The following OR5P3 variants were observed in gnomAD, a reference collection of about 807,000 sequenced individuals.
OR5P3 encodes olfactory receptor family 5 subfamily P member 3, also known as olfactory receptor 5P3.
For missense variants in OR5P3, 415 were observed against 375.6 expected (o/e 1.10, Z -0.87); for synonymous variants, 172 against 141.8 (o/e 1.21, Z -1.51).
intron 1 of OR5P3, among the ~76,000 whole-genome samples, chr11:7,829,446 T>C (rs1857783881): frequency 6.6e-6 from 1 of 152,132 alleles, no homozygotes; most frequent in Admixed American, 6.6e-5. Flanking sequence ...ACAAAATAAC[T>C]GCTCAATACA....
At chr11:7,827,690 A>G (rs374038763) in intron 1 of OR5P3, among the ~76,000 whole-genome samples, 3 of 152,298 alleles carry the variant, frequency 2.0e-5, no homozygotes, top group Admixed American at 1.3e-4. Context: ...ACAAGAAATG[A>G]TGGTAGTTAC....
chr11:7,825,415 C>T lies in OR5P3; in HGVS notation c.558G>A (p.Lys186=), dbSNP rs773993926. The T allele has an allele frequency of 4.2e-5, 67 of 1,613,072 alleles. No homozygotes were observed. In the East Asian group the frequency reaches 1.4e-3, roughly 35 times the overall value. The part of the protein sequence containing the change: ...HFFCDYSPLL[K]LACSHDFTFE... The stretch of plus-strand genomic sequence containing the variant: ...AAGTAAAATCATGGGAACAAGCAAG[C>T]TTCAAAAGTGGTGAATAGTCACAGA... Residue 186 remains lysine (K), a synonymous_variant, in exon 2 of 2, where the codon AAG becomes AAA. Coordinates refer to ENST00000641167, the MANE Select transcript of OR5P3 (RefSeq NM_153445.2).
intron 1 of OR5P3, 139 bp from the exon 2 acceptor site, chr11:7,826,132 G>T (rs910435432): frequency 7.1e-6 from 4 of 563,010 alleles, no homozygotes; most frequent in Non-Finnish European, 1.2e-5. Context: ...TTCACACACA[G>T]TATCTTATGT....
chr11:7,827,495 C>T lies in OR5P3; in HGVS notation c.-21-1502G>A, dbSNP rs571479921. Among the ~76,000 whole-genome samples the T allele has an allele frequency of 1.6e-4, 24 of 151,948 alleles. No individual in the cohort carries two copies. In the South Asian group the frequency reaches 3.3e-3, roughly 21 times the overall value. ...CTAAGATTTTCTTTTTTCTGAGCAA[C>T]GAAAGGGACAGATATGGAATGTTAG... On this transcript the variant is annotated intron_variant, in intron 1 of 1. Coordinates refer to ENST00000641167, the MANE Select transcript of OR5P3 (RefSeq NM_153445.2).
chr11:7,827,771 A>T (rs368222257), intron 1 of OR5P3, among the ~76,000 whole-genome samples: 98 of 152,342 alleles, frequency 6.4e-4, no homozygotes, highest in African/African-American at 2.2e-3. Flanking sequence ...TCTAAACTCT[A>T]ACAACGGGAG....
chr11:7,825,466 A>G lies in OR5P3; in HGVS notation c.507T>C (p.Cys169=). 1 of 1,613,342 alleles carries G rather than the reference A, an allele frequency of 6.2e-7. No individual in the cohort carries two copies. Among genetic ancestry groups the G allele is most frequent in the South Asian group, 1.1e-5 (1 of 91,086 alleles). ...AAAAGTGATTGACTTTATTTGGCCC[A>G]CAGAAGGACAGTCTTAATAAGCAGC... ...FIGCLLRLSF[C]GPNKVNHFFC... The change falls in exon 2 of 2, where the codon TGT becomes TGC. Residue 169 remains cysteine, a synonymous_variant. Coordinates refer to ENST00000641167, the MANE Select transcript of OR5P3 (RefSeq NM_153445.2).
In OR5P3 at chr11:7,825,380, A is replaced by G; in HGVS notation, c.593T>C (p.Ile198Thr). The G allele has an allele frequency of 6.2e-7, 1 of 1,613,232 alleles. No individual in the cohort carries two copies. The highest frequency in any genetic ancestry group is 8.5e-7 in the Non-Finnish European group (1 of 1,180,030). ...ACSHDFTFEIIPAISSGSIIV... is the reference protein window; with the variant it reads ...ACSHDFTFEITPAISSGSIIV... ...GATAGATCCAGAAGAGATAGCTGGA[A>G]TTATTTCAAAAGTAAAATCATGGGA... The change falls in exon 2 of 2, where the codon ATT becomes ACT. Residue 198 changes from isoleucine to threonine, a missense_variant. Transcript: ENST00000641167.
rs769793720 is a variant in OR5P3 at position 7,825,695 on chromosome 11, G to A, written c.278C>T (p.Pro93Leu). The A allele has an allele frequency of 6.2e-7, 1 of 1,613,194 alleles. No individual in the cohort carries two copies. Among genetic ancestry groups the A allele is most frequent in the South Asian group, 1.1e-5 (1 of 91,082 alleles). The part of the protein sequence containing the change: ...MSFLRKETSL[P>L]VAGCVAQLCS... ...GAGCTGGGCCACACAACCAGCAACA[G>A]GGAGAGAGGTTTCTTTCCTTAGGAA... The change falls in exon 2 of 2, where the codon CCT becomes CTT. Residue 93 changes from proline (P) to leucine (L), a missense_variant. Transcript: ENST00000641167.
chr11:7,825,785 A>G lies in OR5P3; in HGVS notation c.188T>C (p.Leu63Pro). The G allele has an allele frequency of 6.2e-7, 1 of 1,613,330 alleles. No homozygotes were observed. Residue 63 changes from leucine (L) to proline (P), a missense_variant, in exon 2 of 2, where the codon CTC becomes CCC. Leu to Pro is a moderately conservative substitution (Grantham distance 98). Coordinates refer to ENST00000641167, the MANE Select transcript of OR5P3 (RefSeq NM_153445.2). ...HHLHTPMYIF[L>P]CHLAFVDIGY... The stretch of plus-strand genomic sequence containing the variant: ...AATGTCTACAAAGGCCAAATGGCAG[A>G]GGAAAATGTACATGGGTGTATGAAG...
intron 1 of OR5P3, among the ~76,000 whole-genome samples, chr11:7,829,956 A>C (rs1001305064): frequency 1.4e-4 from 22 of 152,198 alleles, no homozygotes; most frequent in South Asian, 2.1e-4. Context: ...CTATGGAAGA[A>C]AATTAAGATA....
rs1302026751 is a variant in OR5P3 at position 7,825,074 on chromosome 11, G to C, written c.899C>G (p.Ala300Gly). 6.2e-7 allele frequency: 1 copy of C among 1,613,910 alleles called. No homozygotes were observed. The highest frequency in any genetic ancestry group is 8.5e-7 in the Non-Finnish European group (1 of 1,180,018). The change falls in exon 2 of 2, where the codon GCT (alanine) becomes GGT (glycine). Residue 300 changes from alanine to glycine, a missense_variant. Transcript: ENST00000641167. ...TTTTATTCTAAGCTCTCTCTTCAGAGCCCCCTTAATCTCCTTGTTCCTGAG... is the reference window on the plus strand; with the variant it reads ...TTTTATTCTAAGCTCTCTCTTCAGACCCCCCTTAATCTCCTTGTTCCTGAG... The part of the protein sequence containing the change: ...YSLRNKEIKG[A>G]LKRELRIKIF...
At chr11:7,826,460 C>G (rs966382193) in intron 1 of OR5P3, among the ~76,000 whole-genome samples, 1 of 152,156 alleles carries the variant, frequency 6.6e-6, no homozygotes, top group African/African-American at 2.4e-5. Context: ...GAATTCCAAA[C>G]AGAGGTCAAA....
chr11:7,825,014 A>C lies in OR5P3; in HGVS notation c.*23T>G, dbSNP rs1430704308. On this transcript the variant is annotated 3_prime_UTR_variant, in exon 2 of 2. Transcript: ENST00000641167. ...TATATATAGAATATTAATATATCAG[A>C]TTCTTCAAACTAACTAGTTTCATCA... 1 of 1,543,762 alleles carries C rather than the reference A, an allele frequency of 6.5e-7. No individual in the cohort carries two copies. Among genetic ancestry groups the C allele is most frequent in the East Asian group, 2.3e-5 (1 of 42,738 alleles).
intron 1 of OR5P3, 64 bp from the exon 2 acceptor site, chr11:7,826,057 C>A (rs573050356): frequency 2.5e-6 from 2 of 816,320 alleles, no homozygotes; most frequent in South Asian, 3.8e-5. Context: ...CTTATTTTTC[C>A]AATATCTATT....
Position 7,825,718 on chromosome 11 carries a change from G to A in OR5P3, c.255C>T (p.Phe85=), listed in dbSNP as rs1259963415. ...CAGGGAGAGAGGTTTCTTTCCTTAG[G>A]AAGCTCATGAGCATGACAGGTGTGA... is the stretch of plus-strand genomic sequence containing the variant. The part of the protein sequence containing the change: ...SSVTPVMLMS[F]LRKETSLPVA... The change falls in exon 2 of 2, where the codon TTC becomes TTT. Residue 85 remains phenylalanine, a synonymous_variant. Coordinates refer to ENST00000641167, the MANE Select transcript of OR5P3 (RefSeq NM_153445.2). 3 of 1,613,080 alleles carry A rather than the reference G, an allele frequency of 1.9e-6. No individual in the cohort carries two copies. The highest frequency in any genetic ancestry group is 2.2e-5 in the East Asian group (1 of 44,894).
Position 7,824,978 on chromosome 11 carries a change from C to A in OR5P3, c.*59G>T. The A allele has an allele frequency of 7.7e-7, 1 of 1,300,918 alleles. No individual in the cohort carries two copies. Among genetic ancestry groups the A allele is most frequent in the Non-Finnish European group, 1.0e-6 (1 of 966,798 alleles). The allele number at this position is 1,300,918 out of a possible 1,614,324, so 80.6% of individuals were successfully genotyped here. ...AATTTTGACCACAAACACTCGGTGT[C>A]TTATTATTATTATATATAGAATATT... is the stretch of plus-strand genomic sequence containing the variant. On this transcript the variant is annotated 3_prime_UTR_variant, in exon 2 of 2. Transcript: ENST00000641167.
At chr11:7,826,818 C>G (rs2885150) in intron 1 of OR5P3, among the ~76,000 whole-genome samples, 10,998 of 152,246 alleles carry the variant, frequency 0.072, 520 homozygotes, top group African/African-American at 0.13. Flanking sequence ...AGGTTGCTAA[C>G]AGAAGATTCC....
At chr11:7,827,318 C>T (rs974756022) in intron 1 of OR5P3, among the ~76,000 whole-genome samples, 5 of 152,080 alleles carry the variant, frequency 3.3e-5, no homozygotes, top group Non-Finnish European at 5.9e-5. Context: ...TTTTGCAGTG[C>T]AGTAATTCAC....
chr11:7,830,105 TG>T (rs1857792024), intron 1 of OR5P3, among the ~76,000 whole-genome samples: 1 of 152,270 alleles, frequency 6.6e-6, no homozygotes, highest in African/African-American at 2.4e-5. Context: ...TAAGGAATAA[TG>T]TATTTTTCTT....
Sources: allele counts gnomAD v4.1 joint callset (sites outside exome capture counted in the v4.1 genomes callset), GRCh38; gene constraint gnomAD v4.1.1; transcripts MANE v1.5; gene names NCBI Gene and HGNC (gene_info 2026-07-23, HGNC 2026-07-21).